The following OR1B1 variants were observed in gnomAD, a reference collection of about 807,000 sequenced individuals.
OR1B1 encodes olfactory receptor family 1 subfamily B member 1.
For missense variants in OR1B1, 414 were observed against 402.1 expected, an observed-to-expected ratio of 1.03 and a Z score of -0.25; for synonymous variants, 168 against 156.2, an observed-to-expected ratio of 1.08 and a Z score of -0.57.
upstream of OR1B1, among the ~76,000 whole-genome samples, chr9:122,630,246 C>T (rs1049436326): frequency 1.8e-4 from 28 of 152,212 alleles, no homozygotes; most frequent in Admixed American, 1.6e-3. Context: ...CACCAAAAAA[C>T]TCTTAGATGA....
exon 1 of OR1B1, chr9:122,628,891 G>T: frequency 6.2e-7 from 1 of 1,614,088 alleles, no homozygotes; most frequent in Non-Finnish European, 8.5e-7. Context: ...GGGCACAGGG[G>T]CCCAGCATAA....
the OR1B1 span, among the ~76,000 whole-genome samples, chr9:122,646,040 C>T: frequency 2.6e-5 from 4 of 151,718 alleles, no homozygotes; most frequent in Non-Finnish European, 4.4e-5. Context: ...AGTTTAAAAG[C>T]GAGGGGAAAA....
the OR1B1 span, among the ~76,000 whole-genome samples, chr9:122,655,841 TAA>T: frequency 6.5e-5 from 9 of 139,096 alleles, no homozygotes; most frequent in South Asian, 2.3e-4. Context: ...AGCTTAACAT[TAA>T]AAAAAAAAAA....
chr9:122,633,526 G>A (rs562178622), upstream of OR1B1, among the ~76,000 whole-genome samples: 1 of 152,206 alleles, frequency 6.6e-6, no homozygotes, highest in African/African-American at 2.4e-5. Flanking sequence ...CAACAGACTG[G>A]GAGAAAATAT....
the OR1B1 span, among the ~76,000 whole-genome samples, chr9:122,644,151 G>C: frequency 6.6e-6 from 1 of 151,450 alleles, no homozygotes; most frequent in Non-Finnish European, 1.5e-5. Flanking sequence ...CAATAATCAG[G>C]CTATTGGGGT....
chr9:122,635,877 G>A, the OR1B1 span, among the ~76,000 whole-genome samples: 1 of 151,992 alleles, frequency 6.6e-6, no homozygotes, highest in African/African-American at 2.4e-5. Context: ...CAACAAGAAA[G>A]ACAAATAGAC....
upstream of OR1B1, among the ~76,000 whole-genome samples, chr9:122,631,855 G>C (rs1413315274): frequency 1.3e-5 from 2 of 152,058 alleles, no homozygotes; most frequent in African/African-American, 4.8e-5. Context: ...AATTCAGATC[G>C]CTCAGTCTGG....
chr9:122,630,658 A>G (rs1191568582), upstream of OR1B1, among the ~76,000 whole-genome samples: 1 of 152,094 alleles, frequency 6.6e-6, no homozygotes, highest in Non-Finnish European at 1.5e-5. Flanking sequence ...TTAGTACCTA[A>G]CTTCTCTTAG....
the OR1B1 span, among the ~76,000 whole-genome samples, chr9:122,636,092 A>G: frequency 6.6e-6 from 1 of 152,226 alleles, no homozygotes; most frequent in Non-Finnish European, 1.5e-5. Context: ...ACCACATGCT[A>G]ACAAGTAAAA....
chr9:122,638,638 G>A, the OR1B1 span, among the ~76,000 whole-genome samples: 1 of 152,080 alleles, frequency 6.6e-6, no homozygotes, highest in African/African-American at 2.4e-5. Context: ...AAGACCTTAT[G>A]GAAAAAGAAA....
chr9:122,629,092 G>A (rs367968303), exon 1 of OR1B1: 8 of 1,613,898 alleles, frequency 5.0e-6, no homozygotes, highest in African/African-American at 1.3e-5. Flanking sequence ...CCCAGCTCAA[G>A]GCTAGTAAGC....
chr9:122,652,341 T>C, the OR1B1 span, among the ~76,000 whole-genome samples: 7 of 152,344 alleles, frequency 4.6e-5, no homozygotes, highest in African/African-American at 1.7e-4. Context: ...CTGAAACTAG[T>C]AAACAGAATC....
the OR1B1 span, among the ~76,000 whole-genome samples, chr9:122,635,781 A>C: frequency 7.2e-5 from 11 of 152,214 alleles, no homozygotes; most frequent in Non-Finnish European, 8.8e-5. Context: ...AGTAACTCCC[A>C]AACAAGATAA....
rs1455086178 is a variant in OR1B1 at position 122,628,808 on chromosome 9, G to C, written c.728C>G (p.Ala243Gly). The change falls in exon 1 of 1, where the codon GCA becomes GGA. Residue 243 changes from alanine (A) to glycine (G), a missense_variant. Physicochemically the swap from Ala to Gly is moderately conservative, Grantham distance 60 (BLOSUM62 0). Coordinates refer to ENST00000623530, the Ensembl canonical transcript of OR1B1. ...GAGGTGGGATCCACAGGTGGAGACT[G>C]CTCGGCGGCGACCAGCAGCTGAAGG... 8 of 1,614,012 alleles carry C rather than the reference G, an allele frequency of 5.0e-6. No individual in the cohort carries two copies. Among genetic ancestry groups the C allele is most frequent in the African/African-American group, 1.3e-5 (1 of 74,936 alleles).
the OR1B1 span, among the ~76,000 whole-genome samples, chr9:122,656,536 T>C: frequency 2.0e-5 from 3 of 152,152 alleles, no homozygotes; most frequent in Non-Finnish European, 4.4e-5. Context: ...ATCTCACATA[T>C]GCACTTCCTC....
the OR1B1 span, among the ~76,000 whole-genome samples, chr9:122,635,034 AC>A: frequency 1.3e-5 from 2 of 152,164 alleles, no homozygotes; most frequent in East Asian, 1.9e-4. Context: ...CTGGGTATAC[AC>A]CCGAAGGAAA....
chr9:122,640,730 G>C, the OR1B1 span, among the ~76,000 whole-genome samples: 2 of 152,162 alleles, frequency 1.3e-5, no homozygotes, highest in African/African-American at 4.8e-5. Context: ...AGAAGAGAAG[G>C]CATGGAGAGA....
downstream of OR1B1, chr9:122,628,481 T>G: frequency 1.3e-6 from 1 of 753,186 alleles, no homozygotes; most frequent in Non-Finnish European, 2.3e-6. Flanking sequence ...CCTTAAGTTA[T>G]CTAGGCCCTC....
upstream of OR1B1, among the ~76,000 whole-genome samples, chr9:122,633,998 A>AT (rs1217140674): frequency 1.3e-5 from 2 of 151,248 alleles, no homozygotes; most frequent in Non-Finnish European, 2.9e-5. Flanking sequence ...CTATAAAGAA[A>AT]TACACTATAG....
Sources: gnomAD v4.1 joint callset for allele counts (sites outside exome capture counted in the v4.1 genomes callset) on GRCh38, gnomAD v4.1.1 for gene constraint, MANE v1.5 for transcripts, NCBI Gene and HGNC (gene_info 2026-07-23, HGNC 2026-07-21) for gene names.